LHPP: variants seen among roughly 807,000 people sequenced by gnomAD.
LHPP encodes hLHPP.
Under a neutral mutation model 30.3 loss-of-function variants are expected in LHPP, and 24 were observed. That is an observed-to-expected ratio of 0.79 (90% CI 0.57 to 1.11). The LOEUF is 1.11. Among genes scored for constraint, LHPP ranks in the 50% most tolerant of loss-of-function variants. The pLI is 0.00. For synonymous variants in LHPP, 150 were observed against 157.1 expected (o/e 0.95, Z 0.34); for missense variants, 356 against 367.2 (o/e 0.97, Z 0.25).
intron 5 of LHPP, among the ~76,000 whole-genome samples, chr10:124,501,072 A>G (rs903402999): frequency 6.6e-6 from 1 of 152,036 alleles, no homozygotes; most frequent in Non-Finnish European, 1.5e-5. Flanking sequence ...TTCAGCCATA[A>G]AGAGGAATGA....
chr10:124,516,411 G>A (rs78143366), intron 5 of LHPP, among the ~76,000 whole-genome samples: 2,572 of 152,270 alleles, frequency 0.017, 69 homozygotes, highest in East Asian at 0.14. Flanking sequence ...GTCACGCTGC[G>A]GGCTAGTGAA....
rs567278370 is a variant in LHPP, at chr10:124,471,825, G to A, written c.125+9838G>A. Among the ~76,000 whole-genome samples the A allele has an allele frequency of 5.5e-5, 8 of 145,088 alleles. No homozygotes were observed. In the South Asian group the frequency reaches 1.5e-3, roughly 27 times the overall value. ...AGTATATTATTTTTAATAGGGATGG[G>A]ATCTTAATATATTGCCCAGGCTGGT... is the stretch of plus-strand genomic sequence containing the variant. On this transcript the variant is annotated intron_variant, in intron 1 of 6. Transcript: ENST00000368842.
At chr10:124,581,813 G>A (rs895808092) in intron 6 of LHPP, among the ~76,000 whole-genome samples, 2 of 54,608 alleles carry the variant, frequency 3.7e-5, no homozygotes, top group Non-Finnish European at 9.7e-5. Context: ...AACAGATTCT[G>A]CTTTGTCGGC....
At chr10:124,485,066 A>C (rs1370306654) in intron 2 of LHPP, among the ~76,000 whole-genome samples, 13 of 152,186 alleles carry the variant, frequency 8.5e-5, no homozygotes, top group Non-Finnish European at 4.4e-5. Flanking sequence ...AGAGGCAAAC[A>C]TGGTTTTTTC....
intron 6 of LHPP, among the ~76,000 whole-genome samples, chr10:124,611,340 G>A (rs1180119410): frequency 2.0e-5 from 3 of 152,196 alleles, no homozygotes; most frequent in Middle Eastern, 6.8e-3. Context: ...GCAAGTCTCT[G>A]AACCTTTCTG....
At chr10:124,488,004 G>A (rs536643268) in intron 2 of LHPP, among the ~76,000 whole-genome samples, 13 of 152,280 alleles carry the variant, frequency 8.5e-5, no homozygotes, top group African/African-American at 3.1e-4. Context: ...TGTGTCAACG[G>A]TTCTTACAGT....
At chr10:124,508,455 C>T (rs1954217903) in intron 5 of LHPP, among the ~76,000 whole-genome samples, 1 of 152,182 alleles carries the variant, frequency 6.6e-6, no homozygotes, top group Non-Finnish European at 1.5e-5. Flanking sequence ...CCTAGCCCTG[C>T]AGCTGTGGGT....
intron 6 of LHPP, among the ~76,000 whole-genome samples, chr10:124,603,411 G>C (rs1027385614): frequency 5.9e-5 from 9 of 152,160 alleles, no homozygotes; most frequent in Non-Finnish European, 1.2e-4. Flanking sequence ...CCTGCTCTCA[G>C]CTGGGCCAGT....
chr10:124,580,314 T>C (rs1015029064), intron 6 of LHPP, among the ~76,000 whole-genome samples: 1 of 152,252 alleles, frequency 6.6e-6, no homozygotes, highest in Admixed American at 6.5e-5. Flanking sequence ...TTTTCTATCT[T>C]GTCTAAGAAA....
intron 6 of LHPP, among the ~76,000 whole-genome samples, chr10:124,608,759 T>C (rs149286627): frequency 2.6e-4 from 39 of 152,280 alleles, no homozygotes; most frequent in African/African-American, 8.9e-4. Context: ...GTCTCAGAGG[T>C]AGAGCTGCTG....
intron 3 of LHPP, among the ~76,000 whole-genome samples, chr10:124,493,237 G>C (rs1474612239): frequency 2.6e-5 from 4 of 152,144 alleles, no homozygotes; most frequent in Middle Eastern, 3.2e-3. Flanking sequence ...TGGGGGTTCT[G>C]GGTGTTTAAA....
intron 6 of LHPP, among the ~76,000 whole-genome samples, chr10:124,603,075 A>G (rs1433006923): frequency 6.6e-6 from 1 of 152,022 alleles, no homozygotes; most frequent in Non-Finnish European, 1.5e-5. Flanking sequence ...CCAGGGCAGG[A>G]CAGAGTTGGG....
intron 6 of LHPP, among the ~76,000 whole-genome samples, chr10:124,577,403 T>C (rs536875268): frequency 1.5e-4 from 22 of 151,640 alleles, no homozygotes; most frequent in Non-Finnish European, 3.0e-4. Flanking sequence ...GAGTCCACCC[T>C]GAGATTTTAT....
At chr10:124,500,728 T>TA (rs57518134) in intron 5 of LHPP, among the ~76,000 whole-genome samples, 2,615 of 147,664 alleles carry the variant, frequency 0.018, 145 homozygotes, top group Admixed American at 0.1. Flanking sequence ...ACTGTATAGT[T>TA]AAAAAAAAAA....
intron 1 of LHPP, among the ~76,000 whole-genome samples, chr10:124,479,656 T>C (rs1953065678): frequency 6.6e-6 from 1 of 152,240 alleles, no homozygotes; most frequent in African/African-American, 2.4e-5. Flanking sequence ...TGTGCATTCA[T>C]GAGGGTGCTC....
intron 5 of LHPP, among the ~76,000 whole-genome samples, chr10:124,500,183 A>C (rs1321683025): frequency 6.6e-6 from 1 of 151,796 alleles, no homozygotes; most frequent in African/African-American, 2.4e-5. Context: ...CCTTTTAAAA[A>C]ATTTACTGGC....
intron 2 of LHPP, 41 bp from the exon 3 acceptor site, chr10:124,488,380 TC>T: frequency 6.2e-7 from 1 of 1,606,062 alleles, no homozygotes; most frequent in Non-Finnish European, 8.5e-7. Flanking sequence ...GGCCATGTCC[TC>T]CCAGGGCTCC....
intron 6 of LHPP, among the ~76,000 whole-genome samples, chr10:124,524,251 T>A (rs1178867785): frequency 1.3e-5 from 2 of 151,656 alleles, no homozygotes; most frequent in Non-Finnish European, 2.9e-5. Context: ...CTACTTTATG[T>A]CATACTTTCT....
rs1402106051 is a variant in LHPP at position 124,478,529 on chromosome 10, G to A, written c.126-5610G>A. On this transcript the variant is annotated intron_variant, in intron 1 of 6. Coordinates refer to ENST00000368842, the MANE Select transcript of LHPP (RefSeq NM_022126.4). The surrounding 1 kb of genome is among the most constrained non-coding windows in gnomAD (Gnocchi z 4.7). ...TATTGAGCTGTCCCAAGGTCACTCA[G>A]GATGTCCAATAATTGTCCTAACAGT... Among the ~76,000 whole-genome samples the A allele has an allele frequency of 2.0e-5, 3 of 152,238 alleles. No individual in the cohort carries two copies. The East Asian group carries it at 5.8e-4, about 29-fold the overall frequency.
Sources: gnomAD v4.1 joint callset for allele counts (sites outside exome capture counted in the v4.1 genomes callset) on GRCh38, gnomAD v4.1.1 for gene constraint, Gnocchi (gnomAD v3.1) non-coding constraint, MANE v1.5 for transcripts, NCBI Gene and HGNC (gene_info 2026-07-23, HGNC 2026-07-21) for gene names.